The following SLC10A7 variants were observed in gnomAD, a reference collection of about 807,000 sequenced individuals.
SLC10A7 encodes the protein solute carrier family 10 member 7, also known as sodium/bile acid cotransporter 7.
SLC10A7 carries 29 observed loss-of-function variants against 43.2 expected under a neutral mutation model. The observed-to-expected ratio is 0.67, with a 90% CI of 0.50 to 0.92. The LOEUF (loss-of-function observed/expected upper bound fraction) is 0.92. Ranked by LOEUF, SLC10A7 falls within the 40% of genes least tolerant of loss-of-function variation. The pLI is 0.00. For missense variants in SLC10A7, 295 were observed against 403.2 expected, an observed-to-expected ratio of 0.73 and a Z score of 2.30; for synonymous variants, 152 against 144.8, an observed-to-expected ratio of 1.05 and a Z score of -0.35.
At chr4:146,382,726 G>C (rs10032409) in intron 5 of SLC10A7, among the ~76,000 whole-genome samples, 36,082 of 151,916 alleles carry the variant, frequency 0.24, 4,720 homozygotes, top group African/African-American at 0.35. Flanking sequence ...AGAATCCAGA[G>C]ATTAAAAGTA....
At chr4:146,467,454 A>ACAC (rs1733127670) in intron 4 of SLC10A7, among the ~76,000 whole-genome samples, 1 of 140,728 alleles carries the variant, frequency 7.1e-6, no homozygotes, top group Admixed American at 7.1e-5. Flanking sequence ...AGCAGGTTTA[A>ACAC]ACACACACAC....
chr4:146,311,806 C>T (rs994426494), intron 6 of SLC10A7, among the ~76,000 whole-genome samples: 3 of 152,086 alleles, frequency 2.0e-5, no homozygotes, highest in Non-Finnish European at 4.4e-5. Context: ...AGACACACTC[C>T]TAATACCCAT....
At chr4:146,290,692 G>A (rs79287129) in intron 9 of SLC10A7, among the ~76,000 whole-genome samples, 3 of 151,948 alleles carry the variant, frequency 2.0e-5, no homozygotes, top group South Asian at 2.1e-4. Flanking sequence ...AGAGCTTGTC[G>A]CTACAAAAAA....
chr4:146,267,447 A>AG (rs1728630769), intron 10 of SLC10A7, among the ~76,000 whole-genome samples: 1 of 152,224 alleles, frequency 6.6e-6, no homozygotes, highest in Non-Finnish European at 1.5e-5. Flanking sequence ...TCCCCCAGGA[A>AG]GGGGTAAAAG....
chr4:146,505,912 G>A (rs950405395), intron 3 of SLC10A7, among the ~76,000 whole-genome samples: 6 of 152,104 alleles, frequency 3.9e-5, no homozygotes, highest in African/African-American at 1.4e-4. Flanking sequence ...CCATCTTACA[G>A]AAAACTGAAG....
intron 2 of SLC10A7, among the ~76,000 whole-genome samples, chr4:146,516,755 T>C (rs540672039): frequency 6.6e-6 from 1 of 152,036 alleles, no homozygotes; most frequent in African/African-American, 2.4e-5. Flanking sequence ...GTTACCACCA[T>C]AAGTTGAGGA....
At chr4:146,432,561 GA>G (rs572825733) in intron 5 of SLC10A7, among the ~76,000 whole-genome samples, 1 of 151,692 alleles carries the variant, frequency 6.6e-6, no homozygotes, top group Non-Finnish European at 1.5e-5. Context: ...ATAGAGAAAG[GA>G]AAAAAAATCA....
At chr4:146,417,763 G>C (rs1430484190) in intron 5 of SLC10A7, among the ~76,000 whole-genome samples, 1 of 152,144 alleles carries the variant, frequency 6.6e-6, no homozygotes, top group African/African-American at 2.4e-5. Context: ...TAAAGGTTAA[G>C]AGTAGCCTAA....
intron 5 of SLC10A7, among the ~76,000 whole-genome samples, chr4:146,364,562 G>A (rs1736266108): frequency 6.6e-6 from 1 of 152,120 alleles, no homozygotes; most frequent in African/African-American, 2.4e-5. Context: ...TCTGACTCAT[G>A]TTGGGGCTAT....
At chr4:146,467,476 C>T (rs1342431388) in intron 4 of SLC10A7, among the ~76,000 whole-genome samples, 4 of 151,154 alleles carry the variant, frequency 2.6e-5, no homozygotes, top group African/African-American at 4.9e-5. Context: ...CACACACACA[C>T]ACACACACAC....
At chr4:146,279,933 A>G (rs1729438641) in intron 10 of SLC10A7, among the ~76,000 whole-genome samples, 1 of 152,214 alleles carries the variant, frequency 6.6e-6, no homozygotes, top group African/African-American at 2.4e-5. Context: ...GCATGTGTGT[A>G]GATGCAAGTA....
intron 5 of SLC10A7, among the ~76,000 whole-genome samples, chr4:146,351,270 G>A (rs1454829562): frequency 6.7e-6 from 1 of 150,080 alleles, no homozygotes; most frequent in Admixed American, 6.6e-5. Context: ...TCAACTGGAA[G>A]AAAGGGTATC....
At chr4:146,513,948 T>C (rs1266377760) in intron 2 of SLC10A7, 1 of 152,194 alleles carries the variant, frequency 6.6e-6, no homozygotes, top group African/African-American at 2.4e-5. Flanking sequence ...TCAAAATCCA[T>C]TAAAATAAAC....
In SLC10A7 at chr4:146,287,798, A is replaced by G. The variant is rs532853063; in HGVS notation, c.774-4533T>C. ...CCTTGTTTATATCAGCCATGGCTGC[A>G]TCTGGGTTTATGCATTTGGTTTTCT... On this transcript the variant is annotated intron_variant, in intron 9 of 11. Coordinates refer to ENST00000335472, the MANE Select transcript of SLC10A7 (RefSeq NM_001029998.6). Among the ~76,000 whole-genome samples the G allele has an allele frequency of 3.9e-5, 6 of 152,254 alleles. No homozygotes were observed. In the East Asian group the frequency reaches 1.2e-3, roughly 29 times the overall value.
chr4:146,298,427 A>G (rs1019323187), intron 7 of SLC10A7, among the ~76,000 whole-genome samples: 24 of 152,324 alleles, frequency 1.6e-4, no homozygotes, highest in African/African-American at 5.1e-4. Flanking sequence ...TTCAACTTTA[A>G]TGGAAGACTA....
intron 10 of SLC10A7, among the ~76,000 whole-genome samples, chr4:146,277,014 G>A (rs893538374): frequency 4.6e-5 from 7 of 152,042 alleles, no homozygotes; most frequent in Admixed American, 2.6e-4. Context: ...GACTATTTGA[G>A]GAAGAAGGTA....
intron 5 of SLC10A7, among the ~76,000 whole-genome samples, chr4:146,411,499 A>C (rs1446493413): frequency 6.6e-6 from 1 of 152,192 alleles, no homozygotes; most frequent in African/African-American, 2.4e-5. Flanking sequence ...TCTAACCCAT[A>C]CAATTAATAC....
intron 4 of SLC10A7, among the ~76,000 whole-genome samples, chr4:146,497,319 T>G (rs1222870274): frequency 6.6e-6 from 1 of 152,216 alleles, no homozygotes; most frequent in South Asian, 2.1e-4. Flanking sequence ...GGCTTGGTTT[T>G]AAACACAGAT....
At chr4:146,483,717 G>C (rs1734682511) in intron 4 of SLC10A7, among the ~76,000 whole-genome samples, 1 of 152,024 alleles carries the variant, frequency 6.6e-6, no homozygotes, top group Admixed American at 6.6e-5. Flanking sequence ...GCTACATGCT[G>C]CCTACAAGAG....
Sources: allele counts gnomAD v4.1 joint callset (sites outside exome capture counted in the v4.1 genomes callset), GRCh38; gene constraint gnomAD v4.1.1; transcripts MANE v1.5; gene names NCBI Gene and HGNC (gene_info 2026-07-23, HGNC 2026-07-21).